PCDH7: variants seen among roughly 807,000 people sequenced by gnomAD.
PCDH7 encodes the protein protocadherin-7.
PCDH7 carries 17 observed loss-of-function variants against 58.9 expected under a neutral mutation model. The observed-to-expected ratio is 0.29, with a 90% CI of 0.20 to 0.43. The LOEUF is 0.43. Among genes scored for constraint, PCDH7 ranks in the 20% least tolerant of loss-of-function variants. The probability of loss-of-function intolerance (pLI) is 1.00; values close to 1 mark genes in which losing one functional copy is unlikely to be tolerated. For synonymous variants in PCDH7, 664 were observed against 616.4 expected (o/e 1.08, Z -1.14); for missense variants, 1,274 against 1,441.0 (o/e 0.88, Z 1.88).
At chr4:30,827,886 C>A (rs1577960716) in intron 1 of PCDH7, among the ~76,000 whole-genome samples, 1 of 152,018 alleles carries the variant, frequency 6.6e-6, no homozygotes, top group Non-Finnish European at 1.5e-5. Flanking sequence ...AGAGGCAGAG[C>A]CTAGCAGTTA....
intron 3 of PCDH7, among the ~76,000 whole-genome samples, chr4:31,091,441 A>T (rs1280901108): frequency 6.6e-6 from 1 of 151,888 alleles, no homozygotes; most frequent in Non-Finnish European, 1.5e-5. Context: ...TTTGAAAAGG[A>T]ACTTGAATTC....
intron 3 of PCDH7, among the ~76,000 whole-genome samples, chr4:31,055,589 T>G (rs1376456867): frequency 6.6e-6 from 1 of 152,084 alleles, no homozygotes; most frequent in African/African-American, 2.4e-5. Flanking sequence ...TTTTGTTTTT[T>G]TGTTTTTGAC....
At chr4:30,862,492 G>GT (rs1441506641) in intron 1 of PCDH7, among the ~76,000 whole-genome samples, 1 of 152,122 alleles carries the variant, frequency 6.6e-6, no homozygotes, top group Non-Finnish European at 1.5e-5. Context: ...ATTGTGAAAT[G>GT]TAGAAATTTG....
Position 31,116,822 on chromosome 4 carries a change from G to T in PCDH7, c.*8-25651G>T, listed in dbSNP as rs115177108. ...AACATTCAAACTGAATATTTGTGGGGTTTTTTTGTTGTTGTTGTTTGGTTT... is the reference window on the plus strand; with the variant it reads ...AACATTCAAACTGAATATTTGTGGGTTTTTTTTGTTGTTGTTGTTTGGTTT... On this transcript the variant is annotated intron_variant, in intron 3 of 3. Transcript: ENST00000509759. Among the ~76,000 whole-genome samples the T allele has an allele frequency of 5.4e-3, 817 of 151,884 alleles. 7 individuals carry two copies. Among genetic ancestry groups the T allele is most frequent in the African/African-American group, 0.018 (763 of 41,446 alleles).
At chr4:30,967,934 T>A (rs1749139191) in intron 3 of PCDH7, among the ~76,000 whole-genome samples, 1 of 152,038 alleles carries the variant, frequency 6.6e-6, no homozygotes, top group Admixed American at 6.6e-5. Context: ...AGACAAAAAT[T>A]GATTTGTGTG....
intron 1 of PCDH7, among the ~76,000 whole-genome samples, chr4:30,825,930 T>C (rs1035911326): frequency 6.6e-6 from 1 of 152,172 alleles, no homozygotes; most frequent in Admixed American, 6.6e-5. Flanking sequence ...TAGCATATTC[T>C]TTAAATTTGG....
At chr4:31,143,924 G>A (rs1720511563), downstream of PCDH7, 1 of 152,120 alleles carries the variant, frequency 6.6e-6, no homozygotes, top group Admixed American at 6.6e-5. Context: ...AATTGGTTGA[G>A]GTTCAAGTTT....
chr4:31,042,183 CAT>C (rs1195194221), intron 3 of PCDH7, among the ~76,000 whole-genome samples: 1 of 152,108 alleles, frequency 6.6e-6, no homozygotes, highest in Non-Finnish European at 1.5e-5. Flanking sequence ...GATTTTTATT[CAT>C]ATGTTTGATT....
chr4:31,032,501 A>G (rs1233962420), intron 3 of PCDH7, among the ~76,000 whole-genome samples: 1 of 151,608 alleles, frequency 6.6e-6, no homozygotes, highest in African/African-American at 2.4e-5. Flanking sequence ...CCAGCTATCC[A>G]GGAGTCTGAG....
intron 1 of PCDH7, among the ~76,000 whole-genome samples, chr4:30,802,248 T>C (rs554445540): frequency 6.6e-6 from 1 of 152,288 alleles, no homozygotes; most frequent in South Asian, 2.1e-4. Flanking sequence ...AAAAGGCTAT[T>C]TTATATAGCA....
chr4:30,762,805 G>A (rs1049708223), intron 1 of PCDH7, among the ~76,000 whole-genome samples: 2 of 151,992 alleles, frequency 1.3e-5, no homozygotes, highest in African/African-American at 4.8e-5. Context: ...AACAAACATG[G>A]TATTTCTCCC....
chr4:30,752,305 C>T (rs549309147), intron 1 of PCDH7, among the ~76,000 whole-genome samples: 2 of 151,720 alleles, frequency 1.3e-5, no homozygotes, highest in Non-Finnish European at 2.9e-5. Flanking sequence ...GCTAATTTTT[C>T]GTATTTTTAG....
At chr4:30,724,715 G>A (rs868583734) in intron 1 of PCDH7, 119 bp downstream of exon 1, 1 of 1,449,692 alleles carries the variant, frequency 6.9e-7, no homozygotes, top group African/African-American at 1.4e-5. Context: ...TTAACAGTAG[G>A]AATTTAATGT....
At chr4:30,749,211 G>C (rs1718171612) in intron 1 of PCDH7, among the ~76,000 whole-genome samples, 1 of 152,108 alleles carries the variant, frequency 6.6e-6, no homozygotes, top group African/African-American at 2.4e-5. Context: ...GAAAAGGTGT[G>C]GTTTCACCAC....
intron 1 of PCDH7, among the ~76,000 whole-genome samples, chr4:30,760,320 T>C (rs1213022138): frequency 6.6e-6 from 1 of 152,084 alleles, no homozygotes; most frequent in African/African-American, 2.4e-5. Context: ...TCCCTAGCCC[T>C]TCAAGAGGTC....
At chr4:31,122,061 G>C (rs560120991) in intron 3 of PCDH7, among the ~76,000 whole-genome samples, 1 of 151,848 alleles carries the variant, frequency 6.6e-6, no homozygotes, top group Non-Finnish European at 1.5e-5. Flanking sequence ...TGACTATTTT[G>C]GAATATTTAG....
intron 3 of PCDH7, among the ~76,000 whole-genome samples, chr4:30,971,992 C>T (rs984754059): frequency 6.6e-6 from 1 of 151,968 alleles, no homozygotes; most frequent in Non-Finnish European, 1.5e-5. Flanking sequence ...ATTAAAAAGA[C>T]GAACTGCAAA....
chr4:30,997,447 AT>A (rs1752000756), intron 3 of PCDH7, among the ~76,000 whole-genome samples: 1 of 152,172 alleles, frequency 6.6e-6, no homozygotes, highest in Non-Finnish European at 1.5e-5. Context: ...TGACTATATA[AT>A]TTAGAAAATA....
At chr4:31,123,680 C>G (rs1400297052) in intron 3 of PCDH7, among the ~76,000 whole-genome samples, 1 of 152,136 alleles carries the variant, frequency 6.6e-6, no homozygotes, top group Non-Finnish European at 1.5e-5. Context: ...GTGTCACAGC[C>G]TTTTTGGATT....
Sources: gnomAD v4.1 joint callset for allele counts (sites outside exome capture counted in the v4.1 genomes callset) on GRCh38, gnomAD v4.1.1 for gene constraint, MANE v1.5 for transcripts, NCBI Gene and HGNC (gene_info 2026-07-23, HGNC 2026-07-21) for gene names.